Variants in C16orf96 observed in about 807,000 individuals in gnomAD.
C16orf96 encodes the protein chromosome 16 open reading frame 96.
In C16orf96, 108 loss-of-function variants were observed where a neutral mutation model predicts 103.6. The ratio of observed to expected loss-of-function variants is 1.04; its 90% CI spans 0.89 to 1.22. The LOEUF is 1.22. C16orf96 is among the 50% of genes most tolerant of loss of function. The pLI, the probability that C16orf96 is intolerant of heterozygous loss-of-function variation, is 0.00. For missense variants in C16orf96, 1,586 were observed against 1,464.2 expected (o/e 1.08, Z -1.36); for synonymous variants, 566 against 593.5 (o/e 0.95, Z 0.67).
At chr16:4,567,161 A>C (rs919394073) in intron 1 of C16orf96, among the ~76,000 whole-genome samples, 1 of 152,112 alleles carries the variant, frequency 6.6e-6, no homozygotes, top group Non-Finnish European at 1.5e-5. Context: ...CTAAGTGTCT[A>C]ATCACCACTT....
the C16orf96 span, among the ~76,000 whole-genome samples, chr16:4,548,888 AAAAG>A: frequency 2.6e-5 from 4 of 151,064 alleles, no homozygotes; most frequent in South Asian, 2.1e-4. Flanking sequence ...AAAAAAAAAA[AAAAG>A]AAAAGTGGGA....
intron 1 of C16orf96, among the ~76,000 whole-genome samples, chr16:4,564,637 C>T (rs767069291): frequency 6.6e-6 from 1 of 152,122 alleles, no homozygotes; most frequent in Non-Finnish European, 1.5e-5. Context: ...GTGGCAAAAC[C>T]TTGTCTTTAC....
rs1014838490 is a variant in C16orf96, at chr16:4,594,505, G to A, written c.3022G>A (p.Asp1008Asn). 1 of 1,550,694 alleles carries A rather than the reference G, an allele frequency of 6.4e-7. No individual in the cohort carries two copies. Among genetic ancestry groups the A allele is most frequent in the African/African-American group, 1.4e-5 (1 of 73,056 alleles). Residue 1008 changes from aspartate to asparagine, a missense_variant, in exon 13 of 16, where the codon GAC becomes AAC. By Grantham distance (23) the Asp-to-Asn change is conservative. Coordinates refer to ENST00000444310, the MANE Select transcript of C16orf96 (RefSeq NM_001145011.2). The stretch of plus-strand genomic sequence containing the variant: ...CGGGGATCCCCACGTGATCGACTAT[G>A]ACAGCGTGAGTCTGGCCGGGGCCTC... ...PYGDPHVIDY[D>N]SAEVDILGVD...
At chr16:4,552,134 A>G (rs969678924), upstream of C16orf96, among the ~76,000 whole-genome samples, 6 of 152,152 alleles carry the variant, frequency 3.9e-5, no homozygotes, top group Admixed American at 3.9e-4. Context: ...TTTTATAGCA[A>G]TGGTTTCATA....
chr16:4,556,119 A>G (rs1009452409), upstream of C16orf96, among the ~76,000 whole-genome samples: 8 of 152,110 alleles, frequency 5.3e-5, no homozygotes, highest in African/African-American at 1.9e-4. Flanking sequence ...CATCCCTTCC[A>G]TATGTGCTTC....
At position 4,582,276 on chromosome 16, in the gene C16orf96, C is replaced by G. The variant is rs112257085; in HGVS notation, c.2352+2151C>G. Reference sequence around the variant, plus strand: ...CAGCCTGGGCGACAAGAGCAAGACTCAGTCTCAAAAAATAAATAAATAAAT... The same window carrying G: ...CAGCCTGGGCGACAAGAGCAAGACTGAGTCTCAAAAAATAAATAAATAAAT... On this transcript the variant is annotated intron_variant, in intron 7 of 15. Transcript: ENST00000444310. Among the ~76,000 whole-genome samples, 491 of 147,412 alleles carry G rather than the reference C, an allele frequency of 3.3e-3. 5 individuals carry two copies. Among genetic ancestry groups the G allele is most frequent in the African/African-American group, 0.012 (465 of 39,320 alleles).
In C16orf96 at chr16:4,576,334, G is replaced by A. The variant is rs9925475; in HGVS notation, c.1854G>A (p.Gly618=). 1.4e-3 allele frequency: 2,098 copies of A among 1,550,796 alleles called. 41 individuals carry two copies. In the African/African-American group the frequency reaches 0.026, roughly 19 times the overall value. The part of the protein sequence containing the change: ...ATDTAAAGPL[G]VFADVLGAGP... ...ACACGGCTGCAGCTGGGCCCCTAGG[G>A]GTCTTTGCAGATGTCCTGGGTGCAG... Residue 618 remains glycine, a synonymous_variant, in exon 5 of 16, where the codon GGG becomes GGA. Transcript: ENST00000444310.
chr16:4,587,192 G>C, intron 8 of C16orf96, 79 bp downstream of exon 8: 1 of 1,316,868 alleles, frequency 7.6e-7, no homozygotes, highest in Non-Finnish European at 1.1e-6. Flanking sequence ...GCCCACCAAA[G>C]AGTCTTCCAG....
rs1555440701 is a variant in C16orf96, at chr16:4,595,690, T to TTG, written c.3127+888_3127+889insGT. ...ACTCCACCTGCAGAAATTCTGGTTT[T>TTG]TTGTTGTTGTTGTTGTTGTTGTTTG... On this transcript the variant is annotated intron_variant, in intron 14 of 15. Coordinates refer to ENST00000444310, the MANE Select transcript of C16orf96 (RefSeq NM_001145011.2). 9.5e-3 allele frequency among the ~76,000 whole-genome samples: 1,430 copies of TTG among 150,714 alleles called. 13 individuals are homozygous for TTG. Among genetic ancestry groups the TTG allele is most frequent in the Non-Finnish European group, 0.012 (844 of 67,660 alleles).
intron 7 of C16orf96, among the ~76,000 whole-genome samples, 193 bp from the exon 8 acceptor site, chr16:4,586,846 G>T (rs944488915): frequency 3.9e-5 from 6 of 152,296 alleles, no homozygotes; most frequent in Middle Eastern, 6.8e-3. Context: ...GTCCCAAGTC[G>T]CACGTTCCTT....
rs2059484756 is a variant in C16orf96 at position 4,575,059 on chromosome 16, G to A, written c.693+1G>A. On this transcript the variant is annotated splice_donor_variant, in intron 4 of 15. Transcript: ENST00000444310. LOFTEE classifies it high-confidence loss of function. ...CCTTCATGATGCCATGTTCACCTCA[G>A]TGAGTGAGGAAGGAAGGGGAGGTTA... 6.4e-7 allele frequency: 1 copy of A among 1,551,328 alleles called. No individual in the cohort carries two copies. The highest frequency in any genetic ancestry group is 1.4e-5 in the African/African-American group (1 of 73,064).
chr16:4,574,543 A>G (rs1182053671), intron 2 of C16orf96, among the ~76,000 whole-genome samples, 166 bp from the exon 3 acceptor site: 1 of 152,122 alleles, frequency 6.6e-6, no homozygotes, highest in Non-Finnish European at 1.5e-5. Flanking sequence ...CAAGCCCAGC[A>G]TTTCCCAAAC....
At position 4,600,412 on chromosome 16, in the gene C16orf96, TCGGAGGCTGAGGCCTATGTG is replaced by T; in HGVS notation, c.*96_*115del. Reference sequence around the variant, plus strand: ...CCACTCCCACCAAGTCCCCTCCACATCGGAGGCTGAGGCCTATGTGGCCCCCCACCCCCACCCCCACCAAG... The same window carrying T: ...CCACTCCCACCAAGTCCCCTCCACATGCCCCCCACCCCCACCCCCACCAAG... On this transcript the variant is annotated 3_prime_UTR_variant, in exon 16 of 16. Transcript: ENST00000444310. 1 of 832,246 alleles carries T rather than the reference TCGGAGGCTGAGGCCTATGTG, an allele frequency of 1.2e-6. No homozygotes were observed. The highest frequency in any genetic ancestry group is 2.8e-5 in the East Asian group (1 of 35,428). The allele number at this position is 832,246 out of a possible 1,614,324, so 51.6% of individuals were successfully genotyped here.
At chr16:4,590,862 TAA>T (rs34497616) in intron 9 of C16orf96, among the ~76,000 whole-genome samples, 87 of 92,688 alleles carry the variant, frequency 9.4e-4, no homozygotes, top group Admixed American at 1.4e-3. Flanking sequence ...CTACTAAAAG[TAA>T]AAAAAAAAAA....
chr16:4,576,300 T>C lies in C16orf96; in HGVS notation c.1820T>C (p.Ile607Thr), dbSNP rs577036174. The change falls in exon 5 of 16, where the codon ATT (isoleucine) becomes ACT (threonine). Residue 607 changes from isoleucine (I) to threonine (T), a missense_variant. Transcript: ENST00000444310. ...GCCCCAGCCACCAAAATGGCCGCCA[T>C]TGCAACAGACACGGCTGCAGCTGGG... ...KDAPATKMAA[I>T]ATDTAAAGPL... 1.3e-6 allele frequency: 2 copies of C among 1,550,812 alleles called. No homozygotes were observed. The highest frequency in any genetic ancestry group is 1.4e-5 in the African/African-American group (1 of 73,194).
rs1567443726 is a variant in C16orf96 at position 4,572,400 on chromosome 16, C to CTG, written c.525+735_525+736insTG. 2.1e-3 allele frequency among the ~76,000 whole-genome samples: 305 copies of CTG among 148,340 alleles called. 5 individuals are homozygous for CTG. Among genetic ancestry groups the CTG allele is most frequent in the African/African-American group, 7.3e-3 (295 of 40,390 alleles). ...CTGCAACCTCCACCTCCCGGGTTCA[C>CTG]GCCATTCTCCTGTCTCAGCCTCCCG... On this transcript the variant is annotated intron_variant, in intron 2 of 15. Transcript: ENST00000444310.
rs532082473 is a variant in C16orf96 at position 4,578,712 on chromosome 16, C to T, written c.2156-228C>T. 3.9e-5 allele frequency among the ~76,000 whole-genome samples: 6 copies of T among 152,152 alleles called. No individual in the cohort carries two copies. The East Asian group carries it at 9.7e-4, about 25-fold the overall frequency. On this transcript the variant is annotated intron_variant, in intron 5 of 15. Coordinates refer to ENST00000444310, the MANE Select transcript of C16orf96 (RefSeq NM_001145011.2). ...GGCGGAAGTTGTAGTGAGCCGAGAT[C>T]GCGCCACTGCACTCCAGCCTGGTGA...
At chr16:4,547,490 G>T in the C16orf96 span, among the ~76,000 whole-genome samples, 144,866 of 151,644 alleles carry the variant, frequency 0.96, 69,378 homozygotes, top group East Asian at 1. Flanking sequence ...CAAACCCATA[G>T]AGACAGAAAG....
upstream of C16orf96, among the ~76,000 whole-genome samples, chr16:4,552,986 C>A (rs1313345136): frequency 6.6e-6 from 1 of 152,144 alleles, no homozygotes; most frequent in African/African-American, 2.4e-5. Flanking sequence ...ACTTACTGAG[C>A]ACCTACTGTG....
Sources: allele counts gnomAD v4.1 joint callset (sites outside exome capture counted in the v4.1 genomes callset), GRCh38; gene constraint gnomAD v4.1.1; transcripts MANE v1.5; gene names NCBI Gene and HGNC (gene_info 2026-07-23, HGNC 2026-07-21).